Variants in INPP4B observed in about 807,000 individuals in gnomAD.
The protein encoded by INPP4B is inositol polyphosphate 4-phosphatase type II.
In INPP4B, 55 loss-of-function variants were observed where a neutral mutation model predicts 122.5. That is an observed-to-expected ratio of 0.45 (90% CI 0.36 to 0.56). The LOEUF is 0.56. Ranked by LOEUF, INPP4B falls within the 20% of genes least tolerant of loss-of-function variation. The probability of loss-of-function intolerance (pLI) is 0.00; values close to 1 mark genes in which losing one functional copy is unlikely to be tolerated. For synonymous variants in INPP4B, 403 were observed against 388.7 expected (o/e 1.04, Z -0.43); for missense variants, 1,000 against 1,097.7 (o/e 0.91, Z 1.26).
At chr4:142,121,798 C>T (rs774256175) in intron 21 of INPP4B, among the ~76,000 whole-genome samples, 11 of 152,034 alleles carry the variant, frequency 7.2e-5, no homozygotes, top group East Asian at 3.9e-4. Context: ...GAACAACTCC[C>T]GCAAAAGTAA....
intron 2 of INPP4B, among the ~76,000 whole-genome samples, chr4:142,554,652 T>C (rs1439893486): frequency 2.0e-5 from 3 of 152,220 alleles, no homozygotes; most frequent in Non-Finnish European, 4.4e-5. Flanking sequence ...TAAACTAGTG[T>C]CTTTGTGTTT....
At chr4:142,412,965 T>G (rs1804920036) in intron 5 of INPP4B, among the ~76,000 whole-genome samples, 1 of 152,136 alleles carries the variant, frequency 6.6e-6, no homozygotes, top group African/African-American at 2.4e-5. Context: ...AAACCACAGC[T>G]TCTCCCCTCA....
chr4:142,585,465 G>T (rs1210511399), intron 2 of INPP4B, among the ~76,000 whole-genome samples: 1 of 151,966 alleles, frequency 6.6e-6, no homozygotes, highest in Non-Finnish European at 1.5e-5. Flanking sequence ...TTTAGATATT[G>T]TTTCTGGTGG....
intron 25 of INPP4B, among the ~76,000 whole-genome samples, chr4:142,037,174 A>G (rs965684125): frequency 1.4e-4 from 21 of 152,136 alleles, no homozygotes; most frequent in Admixed American, 1.3e-3. Context: ...GATCTTTTTT[A>G]TTTATTTATT....
At chr4:142,102,225 T>C (rs1330288949) in intron 23 of INPP4B, among the ~76,000 whole-genome samples, 1 of 152,052 alleles carries the variant, frequency 6.6e-6, no homozygotes, top group Non-Finnish European at 1.5e-5. Context: ...TAACTAAAAA[T>C]ATAAGTTCAA....
chr4:142,716,665 C>G (rs1027877862), intron 2 of INPP4B, among the ~76,000 whole-genome samples: 1 of 152,224 alleles, frequency 6.6e-6, no homozygotes, highest in African/African-American at 2.4e-5. Context: ...AGTTTCCTAA[C>G]AGGCCAGGTA....
intron 19 of INPP4B, 140 bp from the exon 20 acceptor site, chr4:142,123,555 G>A: frequency 1.3e-6 from 1 of 773,878 alleles, no homozygotes; most frequent in East Asian, 2.7e-5. Flanking sequence ...GGTAGGCATA[G>A]TAAAACAAGT....
intron 1 of INPP4B, among the ~76,000 whole-genome samples, chr4:142,737,034 GC>G (rs980901646): frequency 1.3e-5 from 2 of 152,042 alleles, no homozygotes; most frequent in East Asian, 1.9e-4. Context: ...TGGCCATACC[GC>G]CCAAGGTAAT....
chr4:142,721,059 A>T (rs1200599292), intron 2 of INPP4B, among the ~76,000 whole-genome samples: 1 of 151,268 alleles, frequency 6.6e-6, no homozygotes, highest in Non-Finnish European at 1.5e-5. Flanking sequence ...TTTGTCTTCA[A>T]TGATGTGATT....
At position 142,028,903 on chromosome 4, in the gene INPP4B, C is replaced by T. The variant is rs568595082; in HGVS notation, c.2654G>A (p.Arg885His). Residue 885 changes from arginine to histidine, a missense_variant, in exon 26 of 26, where the codon CGC (arginine) becomes CAC (histidine). Coordinates refer to ENST00000262992, the MANE Select transcript of INPP4B (RefSeq NM_001101669.3). ...GATATTCTTCAGTACATTCTCTATG[C>T]GGCATCCTTCTCTGGTGAAAGGGGA... Reference protein sequence around the residue: ...ALDCMRREGCRIENVLKNIKC... With the variant: ...ALDCMRREGCHIENVLKNIKC... 3.0e-5 allele frequency: 49 copies of T among 1,610,412 alleles called. No homozygotes were observed. Among genetic ancestry groups the T allele is most frequent in the South Asian group, 2.2e-4 (20 of 90,098 alleles).
chr4:142,546,956 C>T (rs923360706), intron 2 of INPP4B, among the ~76,000 whole-genome samples: 36 of 152,136 alleles, frequency 2.4e-4, no homozygotes, highest in African/African-American at 8.7e-4. Context: ...ATTTTATGCT[C>T]TTTTTCAAAA....
chr4:142,658,412 G>A (rs189849257), intron 2 of INPP4B, among the ~76,000 whole-genome samples: 1 of 152,274 alleles, frequency 6.6e-6, no homozygotes, highest in Admixed American at 6.5e-5. Flanking sequence ...CAACCTTTTT[G>A]ACTTTTGGTT....
intron 2 of INPP4B, among the ~76,000 whole-genome samples, chr4:142,562,405 C>T (rs1303693730): frequency 2.6e-5 from 4 of 152,162 alleles, no homozygotes; most frequent in Non-Finnish European, 2.9e-5. Context: ...ATGAGCCAGA[C>T]TGTATCAAAA....
intron 2 of INPP4B, among the ~76,000 whole-genome samples, chr4:142,554,944 C>T (rs543303699): frequency 1.5e-3 from 234 of 152,252 alleles, no homozygotes; most frequent in African/African-American, 5.2e-3. Flanking sequence ...AAACTCTTTG[C>T]CTACAAATTC....
chr4:142,741,980 C>A (rs1264862589), intron 1 of INPP4B, among the ~76,000 whole-genome samples: 2 of 151,858 alleles, frequency 1.3e-5, no homozygotes, highest in African/African-American at 4.8e-5. Context: ...GTTCAGGAAA[C>A]AGAGTTTTCC....
intron 2 of INPP4B, among the ~76,000 whole-genome samples, chr4:142,613,658 A>G (rs1364059696): frequency 6.6e-6 from 1 of 152,220 alleles, no homozygotes; most frequent in Non-Finnish European, 1.5e-5. Flanking sequence ...ATCACATTAC[A>G]AAGAGAAATG....
intron 25 of INPP4B, among the ~76,000 whole-genome samples, chr4:142,050,254 A>T (rs1055125834): frequency 2.6e-5 from 4 of 152,050 alleles, no homozygotes; most frequent in African/African-American, 9.7e-5. Flanking sequence ...TCTAATAGTT[A>T]TCTAAAACAT....
At chr4:142,179,526 T>G (rs1388502429) in intron 15 of INPP4B, among the ~76,000 whole-genome samples, 2 of 142,032 alleles carry the variant, frequency 1.4e-5, no homozygotes, top group African/African-American at 5.3e-5. Context: ...AAGAGTGTTG[T>G]GATCAAAAGT....
chr4:142,196,911 G>A (rs2322544), intron 14 of INPP4B, among the ~76,000 whole-genome samples: 27,433 of 151,566 alleles, frequency 0.18, 3,140 homozygotes, highest in African/African-American at 0.31. Context: ...GATCACTTGA[G>A]GCCAGGAGTT....
Sources: gnomAD v4.1 joint callset for allele counts (sites outside exome capture counted in the v4.1 genomes callset) on GRCh38, gnomAD v4.1.1 for gene constraint, MANE v1.5 for transcripts, NCBI Gene and HGNC (gene_info 2026-07-23, HGNC 2026-07-21) for gene names.